The following NBR1 variants were observed in gnomAD, a reference collection of about 807,000 sequenced individuals.
NBR1 encodes the protein next to BRCA1 gene 1 protein.
Under a neutral mutation model 115.5 loss-of-function variants are expected in NBR1, and 59 were observed. That is an observed-to-expected ratio of 0.51 (90% CI 0.41 to 0.63). The LOEUF is 0.63. Among genes scored for constraint, NBR1 ranks in the 30% least tolerant of loss-of-function variants. NBR1 has a pLI of 0.00. For missense variants in NBR1, 1,043 were observed against 1,150.5 expected, an observed-to-expected ratio of 0.91 and a Z score of 1.35; for synonymous variants, 373 against 414.7, an observed-to-expected ratio of 0.90 and a Z score of 1.22.
rs939330373 is a variant in NBR1 at position 43,209,811 on chromosome 17, A to G, written c.2728-90A>G. 1.2e-5 allele frequency: 18 copies of G among 1,461,674 alleles called. 1 individual carries two copies. Among genetic ancestry groups the G allele is most frequent in the South Asian group, 8.9e-5 (6 of 67,492 alleles). The allele number at this position is 1,461,674 out of a possible 1,614,324, so 90.5% of individuals were successfully genotyped here. Reference sequence around the variant, plus strand: ...TTTGAATAAATCTGGAAAGACTAGTATGCTTGCAAGATGATACAAATGTAT... The same window carrying G: ...TTTGAATAAATCTGGAAAGACTAGTGTGCTTGCAAGATGATACAAATGTAT... On this transcript the variant is annotated intron_variant, in intron 20 of 20. Coordinates refer to ENST00000590996, the MANE Select transcript of NBR1 (RefSeq NM_005899.5).
At position 43,210,230 on chromosome 17, in the gene NBR1, G is replaced by T; in HGVS notation, c.*156G>T. On this transcript the variant is annotated 3_prime_UTR_variant, in exon 21 of 21. Coordinates refer to ENST00000590996, the MANE Select transcript of NBR1 (RefSeq NM_005899.5). ...AAGACAATACCTGCTACAGTATTTTGGGGAGCAAACTAAAGACCAGAACTT... is the reference window on the plus strand; with the variant it reads ...AAGACAATACCTGCTACAGTATTTTTGGGAGCAAACTAAAGACCAGAACTT... The T allele has an allele frequency of 1.7e-6, 1 of 589,138 alleles. No individual in the cohort carries two copies. The highest frequency in any genetic ancestry group is 3.4e-5 in the East Asian group (1 of 29,352). The allele number at this position is 589,138 out of a possible 1,614,324, so 36.5% of individuals were successfully genotyped here.
intron 13 of NBR1, 46 bp from the exon 14 acceptor site, chr17:43,194,918 G>A (rs1567859770): frequency 6.8e-7 from 1 of 1,471,176 alleles, no homozygotes; most frequent in Non-Finnish European, 9.5e-7. Flanking sequence ...TCAAGACATG[G>A]CTCCAGCATG....
intron 20 of NBR1, 164 bp from the exon 21 acceptor site, chr17:43,209,737 G>A: frequency 2.0e-6 from 3 of 1,522,108 alleles, no homozygotes; most frequent in Non-Finnish European, 2.6e-6. Context: ...CGAACCGTTG[G>A]TATCAAGTAC....
intron 6 of NBR1, among the ~76,000 whole-genome samples, chr17:43,187,177 TC>T (rs2056823852): frequency 6.6e-6 from 1 of 152,030 alleles, no homozygotes; most frequent in Non-Finnish European, 1.5e-5. Flanking sequence ...CTCTCCAACA[TC>T]TATTATTTCT....
At chr17:43,172,314 T>C (rs1441873613) in intron 1 of NBR1, among the ~76,000 whole-genome samples, 4 of 152,204 alleles carry the variant, frequency 2.6e-5, no homozygotes, top group Non-Finnish European at 5.9e-5. Flanking sequence ...CTGGATATGG[T>C]CCAGCCAAGC....
At chr17:43,174,369 G>T (rs2056453039) in intron 1 of NBR1, among the ~76,000 whole-genome samples, 1 of 152,120 alleles carries the variant, frequency 6.6e-6, no homozygotes, top group South Asian at 2.1e-4. Flanking sequence ...GGCCGAGGTG[G>T]GTGGAATCAC....
intron 1 of NBR1, among the ~76,000 whole-genome samples, chr17:43,171,919 A>T (rs566869446): frequency 6.6e-6 from 1 of 152,272 alleles, no homozygotes; most frequent in South Asian, 2.1e-4. Context: ...CTGGGATTAC[A>T]GGTATAAGCC....
At chr17:43,204,095 A>G (rs1192464408) in intron 20 of NBR1, among the ~76,000 whole-genome samples, 2 of 151,450 alleles carry the variant, frequency 1.3e-5, no homozygotes, top group Non-Finnish European at 2.9e-5. Context: ...CTGCCACTAC[A>G]CCCGGCTAAT....
At position 43,196,708 on chromosome 17, in the gene NBR1, C is replaced by A. The variant is rs529524531; in HGVS notation, c.1861+117C>A. ...ATGTAAATGGGCTTGCTTTCTGTAG[C>A]ATCTCATGTTTTGAAGTCTCCTCAC... On this transcript the variant is annotated intron_variant, in intron 15 of 20. Transcript: ENST00000590996. 22 of 904,024 alleles carry A rather than the reference C, an allele frequency of 2.4e-5. No homozygotes were observed. In the African/African-American group the frequency reaches 3.2e-4, roughly 13 times the overall value. The allele number at this position is 904,024 out of a possible 1,614,324, so 56.0% of individuals were successfully genotyped here.
At chr17:43,182,807 A>T (rs1449292730) in intron 5 of NBR1, among the ~76,000 whole-genome samples, 1 of 151,148 alleles carries the variant, frequency 6.6e-6, no homozygotes, top group Non-Finnish European at 1.5e-5. Flanking sequence ...CCTGTTGCTC[A>T]TGCTGGAGTA....
chr17:43,186,516 C>T, intron 6 of NBR1, 72 bp downstream of exon 6: 2 of 1,245,004 alleles, frequency 1.6e-6, no homozygotes, highest in Admixed American at 3.7e-5. Flanking sequence ...GAACAGGTTT[C>T]TTTATTTTAT....
At chr17:43,185,342 G>A (rs1485581928) in intron 5 of NBR1, among the ~76,000 whole-genome samples, 1 of 152,214 alleles carries the variant, frequency 6.6e-6, no homozygotes, top group African/African-American at 2.4e-5. Context: ...GGAAAGCCAA[G>A]GTGGGCGGAG....
intron 19 of NBR1, among the ~76,000 whole-genome samples, chr17:43,202,973 T>C (rs1053056129): frequency 6.6e-6 from 1 of 152,036 alleles, no homozygotes; most frequent in Non-Finnish European, 1.5e-5. Flanking sequence ...CTGGCCAACA[T>C]AGCGAAACCC....
In NBR1 at chr17:43,171,712, G is replaced by GT. The variant is rs893638166; in HGVS notation, c.-10+416dup. ...TACACATCCTTCTCATCCCATCCTC[G>GT]TTTTTTCGAGACCTTAAAGAGATCT... On this transcript the variant is annotated intron_variant, in intron 1 of 20. Coordinates refer to ENST00000590996, the MANE Select transcript of NBR1 (RefSeq NM_005899.5). 1.7e-4 allele frequency among the ~76,000 whole-genome samples: 26 copies of GT among 152,264 alleles called. 1 individual carries two copies. In the South Asian group the frequency reaches 3.7e-3, roughly 22 times the overall value.
intron 8 of NBR1, 64 bp from the exon 9 acceptor site, chr17:43,190,545 A>G (rs761854431): frequency 7.9e-6 from 12 of 1,520,320 alleles, no homozygotes; most frequent in African/African-American, 1.4e-5. Flanking sequence ...GTATGGTCTT[A>G]TATCTCCCTA....
chr17:43,184,797 T>G (rs1322667810), intron 5 of NBR1, among the ~76,000 whole-genome samples: 1 of 151,942 alleles, frequency 6.6e-6, no homozygotes, highest in Non-Finnish European at 1.5e-5. Flanking sequence ...GAGTCTTGTA[T>G]AAAAACCAAT....
intron 5 of NBR1, among the ~76,000 whole-genome samples, chr17:43,183,370 G>A (rs910463850): frequency 9.2e-5 from 14 of 151,470 alleles, no homozygotes; most frequent in Non-Finnish European, 1.6e-4. Flanking sequence ...ACGGGCATGC[G>A]CCACCACACC....
chr17:43,189,855 C>G, intron 8 of NBR1, 53 bp downstream of exon 8: 2 of 1,479,610 alleles, frequency 1.4e-6, no homozygotes, highest in Non-Finnish European at 1.9e-6. Flanking sequence ...CAGCTTTTAC[C>G]TCCCTGGCTT....
Position 43,210,660 on chromosome 17 carries a change from C to G in NBR1, c.*586C>G, listed in dbSNP as rs2057400937. The G allele has an allele frequency of 2.5e-6, 1 of 398,550 alleles. No individual in the cohort carries two copies. Among genetic ancestry groups the G allele is most frequent in the Non-Finnish European group, 4.4e-6 (1 of 226,050 alleles). 24.7% of individuals were successfully genotyped at this position (398,550 alleles called of 1,614,324 possible). A position where few individuals can be genotyped will look rare whatever the true frequency, so the allele number is the denominator to read the frequency against. On this transcript the variant is annotated 3_prime_UTR_variant, in exon 21 of 21. Coordinates refer to ENST00000590996, the MANE Select transcript of NBR1 (RefSeq NM_005899.5). ...AATTGGCACCGTTGCTTTCTAAAGA[C>G]TCCATGGTGCATTCAAGAGTATCCA...
Sources: allele counts gnomAD v4.1 joint callset (sites outside exome capture counted in the v4.1 genomes callset), GRCh38; gene constraint gnomAD v4.1.1; transcripts MANE v1.5; gene names NCBI Gene and HGNC (gene_info 2026-07-23, HGNC 2026-07-21).